PADI6: variants seen among roughly 807,000 people sequenced by gnomAD.
The protein encoded by PADI6 is inactive protein-arginine deiminase type-6.
In PADI6, 66 loss-of-function variants were observed where a neutral mutation model predicts 78.2. The observed-to-expected ratio is 0.84, with a 90% confidence interval of 0.69 to 1.04. PADI6 has a LOEUF of 1.04. PADI6 is among the 50% of genes least tolerant of loss of function. The pLI is 0.00. For synonymous variants in PADI6, 397 were observed against 346.9 expected (o/e 1.14, Z -1.60); for missense variants, 854 against 866.1 (o/e 0.99, Z 0.18).
At chr1:17,377,169 C>T (rs906469552) in intron 3 of PADI6, among the ~76,000 whole-genome samples, 3 of 151,898 alleles carry the variant, frequency 2.0e-5, no homozygotes, top group African/African-American at 7.3e-5. Flanking sequence ...ATTTTTTCCC[C>T]CATAGAGAGG....
chr1:17,374,521 G>A (rs1037043734), intron 2 of PADI6, among the ~76,000 whole-genome samples: 7 of 152,206 alleles, frequency 4.6e-5, no homozygotes, highest in African/African-American at 1.7e-4. Flanking sequence ...AGGTTCTCAG[G>A]AGGCTGAGGC....
intron 6 of PADI6, 53 bp downstream of exon 6, chr1:17,382,145 A>G (rs80026107): frequency 1.3e-6 from 2 of 1,598,092 alleles, no homozygotes; most frequent in East Asian, 2.2e-5. Context: ...GTGCCAGGCA[A>G]GTTGTGCCCA....
intron 3 of PADI6, among the ~76,000 whole-genome samples, chr1:17,375,774 C>T (rs533896155): frequency 2.0e-5 from 3 of 152,282 alleles, no homozygotes; most frequent in African/African-American, 4.8e-5. Flanking sequence ...GCCATCTACC[C>T]ACCTACGCCT....
chr1:17,375,761 G>A (rs762483119), intron 3 of PADI6, among the ~76,000 whole-genome samples: 18 of 152,096 alleles, frequency 1.2e-4, no homozygotes, highest in Non-Finnish European at 1.9e-4. Context: ...CTTCCGTGTC[G>A]CTGCCATCTA....
At position 17,388,820 on chromosome 1, in the gene PADI6, G is replaced by C. The variant is rs755969432; in HGVS notation, c.902G>C (p.Arg301Pro). 6.2e-7 allele frequency: 1 copy of C among 1,613,672 alleles called. No individual in the cohort carries two copies. The highest frequency in any genetic ancestry group is 8.5e-7 in the Non-Finnish European group (1 of 1,179,848). Residue 301 changes from arginine (R) to proline (P), a missense_variant, in exon 8 of 16, where the codon CGG (arginine) becomes CCG (proline). Transcript: ENST00000619609. ...TVLYKDTVVF[R>P]VAPCVFIPCT... ...CTGTACAAAGACACGGTGGTGTTCC[G>C]GGTGGCTCCCTGTGTCTTCATTCCC...
At chr1:17,389,987 G>T (rs1451845190) in intron 8 of PADI6, among the ~76,000 whole-genome samples, 1 of 152,136 alleles carries the variant, frequency 6.6e-6, no homozygotes, top group Non-Finnish European at 1.5e-5. Context: ...GAATGCTCTA[G>T]CAGGGATGGG....
intron 8 of PADI6, among the ~76,000 whole-genome samples, chr1:17,389,863 C>A (rs572715051): frequency 6.6e-6 from 1 of 151,566 alleles, no homozygotes; most frequent in Non-Finnish European, 1.5e-5. Context: ...CCGCCCCACT[C>A]GCTCCACACC....
intron 8 of PADI6, among the ~76,000 whole-genome samples, chr1:17,390,677 G>A (rs1012850846): frequency 6.6e-6 from 1 of 152,114 alleles, no homozygotes; most frequent in Non-Finnish European, 1.5e-5. Context: ...CCAGGGCAGG[G>A]CTCCTGGGGA....
Position 17,379,906 on chromosome 1 carries a change from T to C in PADI6, c.368-14T>C, listed in dbSNP as rs1466513575. 6.2e-7 allele frequency: 1 copy of C among 1,612,606 alleles called. No individual in the cohort carries two copies. Among genetic ancestry groups the C allele is most frequent in the Non-Finnish European group, 8.5e-7 (1 of 1,178,952 alleles). ...AGGTCAAGGTGGCTGGGACACCCTT[T>C]TCTTCTGTTTCAGAGGTCTCTCTAG... On this transcript the variant is annotated splice_polypyrimidine_tract_variant and intron_variant, in intron 3 of 15. Transcript: ENST00000619609.
chr1:17,373,503 ATTTT>A, intron 2 of PADI6, among the ~76,000 whole-genome samples: 1 of 112,700 alleles, frequency 8.9e-6, no homozygotes, highest in South Asian at 3.1e-4. Context: ...ATTTATTATT[ATTTT>A]TTTTTTTGAG....
rs1196722506 is a variant in PADI6, at chr1:17,388,851, C to A, written c.933C>A (p.Thr311=). 1 of 1,613,682 alleles carries A rather than the reference C, an allele frequency of 6.2e-7. No homozygotes were observed. Among genetic ancestry groups the A allele is most frequent in the South Asian group, 1.1e-5 (1 of 90,966 alleles). Residue 311 remains threonine (T), a synonymous_variant, in exon 8 of 16, where the codon ACC becomes ACA. Coordinates refer to ENST00000619609, the MANE Select transcript of PADI6 (RefSeq NM_207421.4). Reference sequence around the variant, plus strand: ...CTCCCTGTGTCTTCATTCCCTGTACCCAGGTGCCTCTGGAGGTTTACCTGT... The same window carrying A: ...CTCCCTGTGTCTTCATTCCCTGTACACAGGTGCCTCTGGAGGTTTACCTGT... The part of the protein sequence containing the change: ...RVAPCVFIPC[T]QVPLEVYLCR...
chr1:17,377,531 G>GT (rs1248666979), intron 3 of PADI6, among the ~76,000 whole-genome samples: 1 of 152,194 alleles, frequency 6.6e-6, no homozygotes, highest in Non-Finnish European at 1.5e-5. Context: ...TCGCTTCGGT[G>GT]TCTGACAGAT....
rs901612543 is a variant in PADI6, at chr1:17,388,792, G to C, written c.874G>C (p.Val292Leu). The C allele has an allele frequency of 1.2e-6, 2 of 1,613,626 alleles. No homozygotes were observed. The highest frequency in any genetic ancestry group is 8.5e-7 in the Non-Finnish European group (1 of 1,179,748). Residue 292 changes from valine to leucine, a missense_variant, in exon 8 of 16, where the codon GTG becomes CTG. Coordinates refer to ENST00000619609, the MANE Select transcript of PADI6 (RefSeq NM_207421.4). ...CTTGTTGCAGTCAATTCCAGAGACT[G>C]TGCTGTACAAAGACACGGTGGTGTT... ...ESQDPSIPETVLYKDTVVFRV... is the reference protein window; with the variant it reads ...ESQDPSIPETLLYKDTVVFRV...
intron 8 of PADI6, 140 bp from the exon 9 acceptor site, chr1:17,391,974 G>T: frequency 3.0e-6 from 2 of 665,280 alleles, no homozygotes; most frequent in Admixed American, 2.6e-5. Flanking sequence ...GTCAGGGATG[G>T]TTGCTCTGTC....
rs1470285254 is a variant in PADI6, at chr1:17,381,990, A to G, written c.577A>G (p.Thr193Ala). Residue 193 changes from threonine to alanine, a missense_variant, in exon 6 of 16, where the codon ACT becomes GCT. By Grantham distance (58) the Thr-to-Ala change is moderately conservative. Coordinates refer to ENST00000619609, the MANE Select transcript of PADI6 (RefSeq NM_207421.4). ...AGAAATAACGAATCTGTCCCAGATGACTCTGAATGTCCAAGGCCCCAGCTG... is the reference window on the plus strand; with the variant it reads ...AGAAATAACGAATCTGTCCCAGATGGCTCTGAATGTCCAAGGCCCCAGCTG... ...SEEITNLSQM[T>A]LNVQGPSCIL... The G allele has an allele frequency of 6.2e-7, 1 of 1,613,624 alleles. No homozygotes were observed. The highest frequency in any genetic ancestry group is 2.2e-5 in the East Asian group (1 of 44,876).
At chr1:17,390,691 T>C (rs1399182308) in intron 8 of PADI6, among the ~76,000 whole-genome samples, 1 of 151,732 alleles carries the variant, frequency 6.6e-6, no homozygotes, top group Non-Finnish European at 1.5e-5. Flanking sequence ...CTGGGGAGTG[T>C]GGTCCTCAGA....
At chr1:17,381,851 G>C in intron 5 of PADI6, 116 bp from the exon 6 acceptor site, 1 of 1,249,966 alleles carries the variant, frequency 8.0e-7, no homozygotes. Context: ...CTAGCAAAAG[G>C]CAGGGGGTCC....
At position 17,381,041 on chromosome 1, in the gene PADI6, T is replaced by A. The variant is rs754772194; in HGVS notation, c.436-6T>A. 1 of 1,587,760 alleles carries A rather than the reference T, an allele frequency of 6.3e-7. No individual in the cohort carries two copies. Among genetic ancestry groups the A allele is most frequent in the Non-Finnish European group, 8.6e-7 (1 of 1,166,980 alleles). On this transcript the variant is annotated splice_region_variant and splice_polypyrimidine_tract_variant and intron_variant, in intron 4 of 15. Coordinates refer to ENST00000619609, the MANE Select transcript of PADI6 (RefSeq NM_207421.4). The stretch of plus-strand genomic sequence containing the variant: ...TCCTGAGCCAATGTTCCCATCTCAT[T>A]TGCAGAAAAAATGGATCTGGGGTCC...
intron 4 of PADI6, 112 bp from the exon 5 acceptor site, chr1:17,380,935 T>C: frequency 1.2e-6 from 1 of 841,640 alleles, no homozygotes; most frequent in South Asian, 1.7e-5. Context: ...GTTCCATGGG[T>C]CCCTGTACCC....
Sources: gnomAD v4.1 joint callset for allele counts (sites outside exome capture counted in the v4.1 genomes callset) on GRCh38, gnomAD v4.1.1 for gene constraint, MANE v1.5 for transcripts, NCBI Gene and HGNC (gene_info 2026-07-23, HGNC 2026-07-21) for gene names.